Variants in SNTG1 observed in about 807,000 individuals in gnomAD.
SNTG1 encodes the protein gamma-1-syntrophin.
In SNTG1, 39 loss-of-function variants were observed where a neutral mutation model predicts 74.7. The ratio of observed to expected loss-of-function variants is 0.52; its 90% CI spans 0.40 to 0.68. The LOEUF (loss-of-function observed/expected upper bound fraction) is 0.68, where lower values mean the gene tolerates loss of function less well. Ranked by LOEUF, SNTG1 falls within the 30% of genes least tolerant of loss-of-function variation. The pLI is 0.00. For missense variants in SNTG1, 685 were observed against 609.5 expected (o/e 1.12, Z -1.30); for synonymous variants, 254 against 217.1 (o/e 1.17, Z -1.49).
intron 8 of SNTG1, among the ~76,000 whole-genome samples, chr8:50,484,968 CATTTCATGCGCAATG>C (rs1453733358): frequency 1.6e-4 from 25 of 152,150 alleles, no homozygotes; most frequent in Non-Finnish European, 8.8e-5. Context: ...GAGTACACTT[CATTTCATGCGCAATG>C]ATTGCATTTT....
chr8:50,039,454 C>CAAAAAAAAAAA (rs568678808), intron 1 of SNTG1, among the ~76,000 whole-genome samples: 4 of 46,154 alleles, frequency 8.7e-5, no homozygotes, highest in African/African-American at 2.6e-4. Context: ...GACTCCGTCT[C>CAAAAAAAAAAA]AAAAAAAAAA....
At chr8:50,112,101 T>G (rs2080616497) in intron 1 of SNTG1, among the ~76,000 whole-genome samples, 1 of 152,138 alleles carries the variant, frequency 6.6e-6, no homozygotes, top group South Asian at 2.1e-4. Context: ...ACACATGATT[T>G]TTTTCATCAT....
At chr8:50,709,616 A>G (rs11984449) in intron 17 of SNTG1, among the ~76,000 whole-genome samples, 31,389 of 152,126 alleles carry the variant, frequency 0.21, 3,348 homozygotes, top group South Asian at 0.31. Flanking sequence ...TTATGGAATG[A>G]CAAATGACAA....
intron 2 of SNTG1, among the ~76,000 whole-genome samples, chr8:50,179,356 G>A: frequency 6.6e-6 from 1 of 152,012 alleles, no homozygotes; most frequent in East Asian, 1.9e-4. Flanking sequence ...TTGAAATTTT[G>A]ACTGAGATTG....
intron 1 of SNTG1, among the ~76,000 whole-genome samples, chr8:50,153,341 T>C (rs184777454): frequency 6.6e-6 from 1 of 152,306 alleles, no homozygotes; most frequent in South Asian, 2.1e-4. Flanking sequence ...TTCTTTGCAT[T>C]GGGTTCAAAC....
intron 8 of SNTG1, chr8:50,457,102 C>T (rs1015547116): frequency 6.6e-6 from 1 of 152,172 alleles, no homozygotes; most frequent in Admixed American, 6.5e-5. Flanking sequence ...GTCACACTTT[C>T]CACTGTTTGA....
At chr8:50,059,570 C>A (rs1158687513) in intron 1 of SNTG1, among the ~76,000 whole-genome samples, 1 of 152,090 alleles carries the variant, frequency 6.6e-6, no homozygotes, top group Non-Finnish European at 1.5e-5. Context: ...CTATTGTAAA[C>A]AATTCATATA....
chr8:50,709,044 G>T, intron 17 of SNTG1, 66 bp downstream of exon 17: 1 of 1,142,882 alleles, frequency 8.7e-7, no homozygotes, highest in Non-Finnish European at 1.3e-6. Context: ...TGATTTAAAT[G>T]CCTCATAACT....
At position 49,927,545 on chromosome 8, in the gene SNTG1, C is replaced by T. The variant is rs186890193; in HGVS notation, c.-103+15314C>T. On this transcript the variant is annotated intron_variant, in intron 1 of 18. Coordinates refer to ENST00000642720, the MANE Select transcript of SNTG1 (RefSeq NM_018967.5). Reference sequence around the variant, plus strand: ...ATTAAGTTACTTAAATATTATGGTACTAAGTGAAAGAAGCTAACCTAGAAA... The same window carrying T: ...ATTAAGTTACTTAAATATTATGGTATTAAGTGAAAGAAGCTAACCTAGAAA... Among the ~76,000 whole-genome samples the T allele has an allele frequency of 1.3e-3, 203 of 152,050 alleles. 4 individuals carry two copies. In the Middle Eastern group the frequency reaches 0.017, roughly 13 times the overall value.
chr8:50,285,629 T>C (rs2088727433), intron 2 of SNTG1, among the ~76,000 whole-genome samples: 1 of 152,128 alleles, frequency 6.6e-6, no homozygotes, highest in Non-Finnish European at 1.5e-5. Context: ...TGTTTATCCA[T>C]CCATCCATTC....
At chr8:50,714,840 A>G (rs2095471320) in intron 17 of SNTG1, among the ~76,000 whole-genome samples, 1 of 152,032 alleles carries the variant, frequency 6.6e-6, no homozygotes, top group Non-Finnish European at 1.5e-5. Context: ...TACAGCTTGC[A>G]TCAAGCAGGT....
intron 1 of SNTG1, among the ~76,000 whole-genome samples, chr8:50,020,052 T>G (rs1302250062): frequency 1.3e-5 from 2 of 152,148 alleles, no homozygotes; most frequent in African/African-American, 4.8e-5. Flanking sequence ...AGGAACTAAT[T>G]GAGCCTTTTG....
intron 9 of SNTG1, among the ~76,000 whole-genome samples, chr8:50,524,383 A>T (rs1165388023): frequency 6.6e-6 from 1 of 152,112 alleles, no homozygotes; most frequent in Non-Finnish European, 1.5e-5. Context: ...TACTTGTTAA[A>T]TTATTATTTT....
At chr8:50,423,263 T>C (rs1175522501) in intron 4 of SNTG1, among the ~76,000 whole-genome samples, 1 of 152,206 alleles carries the variant, frequency 6.6e-6, no homozygotes, top group Non-Finnish European at 1.5e-5. Context: ...AATTTTTAAA[T>C]CAGTTTGTTC....
intron 1 of SNTG1, among the ~76,000 whole-genome samples, chr8:50,049,484 T>G (rs1819384669): frequency 6.6e-6 from 1 of 152,252 alleles, no homozygotes; most frequent in East Asian, 1.9e-4. Context: ...ACAGACGATC[T>G]TTATTTGTGA....
Position 50,734,921 on chromosome 8 carries a change from C to A in SNTG1, c.1285-17080C>A, listed in dbSNP as rs61686899. Among the ~76,000 whole-genome samples the A allele has an allele frequency of 2.1e-3, 276 of 130,764 alleles. 2 individuals are homozygous for A. The highest frequency in any genetic ancestry group is 4.5e-3 in the Middle Eastern group (1 of 222). The allele number at this position is 130,764 out of a possible 152,430, so 85.8% of individuals were successfully genotyped here. On this transcript the variant is annotated intron_variant, in intron 17 of 18. Coordinates refer to ENST00000642720, the MANE Select transcript of SNTG1 (RefSeq NM_018967.5). ...GACATATATATATCTATATATATGT[C>A]CATATACATATATAGATATATATGG...
At chr8:50,664,259 A>G (rs1173320161) in intron 15 of SNTG1, among the ~76,000 whole-genome samples, 2 of 152,212 alleles carry the variant, frequency 1.3e-5, no homozygotes, top group Admixed American at 6.5e-5. Flanking sequence ...GTGCCTGCCA[A>G]CAGGGGTGTG....
rs549328538 is a variant in SNTG1, at chr8:50,675,190, C to T, written c.1038+16527C>T. The stretch of plus-strand genomic sequence containing the variant: ...TAGATGTCTATTAGGTCCACTTGAT[C>T]TAGAGCTGAGTTCAAGTCCTGAATA... On this transcript the variant is annotated intron_variant, in intron 15 of 18. Transcript: ENST00000642720. Among the ~76,000 whole-genome samples the T allele has an allele frequency of 9.2e-5, 14 of 152,048 alleles. No homozygotes were observed. The East Asian group carries it at 2.7e-3, about 29-fold the overall frequency.
At chr8:50,037,383 T>G (rs967534236) in intron 1 of SNTG1, among the ~76,000 whole-genome samples, 1 of 152,174 alleles carries the variant, frequency 6.6e-6, no homozygotes, top group Non-Finnish European at 1.5e-5. Flanking sequence ...TCTAACCAGC[T>G]CTGTGAGATG....
Sources: allele counts gnomAD v4.1 joint callset (sites outside exome capture counted in the v4.1 genomes callset), GRCh38; gene constraint gnomAD v4.1.1; transcripts MANE v1.5; gene names NCBI Gene and HGNC (gene_info 2026-07-23, HGNC 2026-07-21).